Variants in LRP1B observed in about 807,000 individuals in gnomAD.
LRP1B encodes the protein low-density lipoprotein receptor-related protein 1B.
A neutral mutation model predicts 556.6 loss-of-function variants in LRP1B; 217 were observed. The ratio of observed to expected loss-of-function variants is 0.39; its 90% confidence interval spans 0.35 to 0.44. The LOEUF (loss-of-function observed/expected upper bound fraction) is 0.44. Ranked by LOEUF, LRP1B falls within the 20% of genes least tolerant of loss-of-function variation. LRP1B has a pLI of 1.00. For synonymous variants in LRP1B, 2,047 were observed against 1,865.8 expected (o/e 1.10, Z -2.50); for missense variants, 5,053 against 5,620.8 (o/e 0.90, Z 3.23).
At chr2:140,785,054 C>T (rs1448680560) in intron 32 of LRP1B, among the ~76,000 whole-genome samples, 2 of 152,024 alleles carry the variant, frequency 1.3e-5, no homozygotes, top group African/African-American at 4.8e-5. Flanking sequence ...AAAGATTCTA[C>T]AAGTTTCTAG....
intron 1 of LRP1B, among the ~76,000 whole-genome samples, chr2:142,053,002 G>T (rs899515638): frequency 2.6e-5 from 4 of 152,054 alleles, no homozygotes; most frequent in African/African-American, 4.8e-5. Context: ...AAATCCAACT[G>T]CCTAGATAGT....
intron 63 of LRP1B, among the ~76,000 whole-genome samples, chr2:140,446,946 A>T: frequency 6.6e-6 from 1 of 151,230 alleles, no homozygotes; most frequent in Non-Finnish European, 1.5e-5. Context: ...TAAAATCCAA[A>T]ATATATAAAG....
At chr2:142,115,582 A>ATT (rs1707191119) in intron 1 of LRP1B, among the ~76,000 whole-genome samples, 2 of 42,942 alleles carry the variant, frequency 4.7e-5, no homozygotes, top group South Asian at 4.9e-4. Flanking sequence ...TTATATATGT[A>ATT]ATATATATAT....
chr2:141,051,666 A>G (rs951149394), intron 10 of LRP1B, among the ~76,000 whole-genome samples: 7 of 152,096 alleles, frequency 4.6e-5, no homozygotes, highest in Non-Finnish European at 1.0e-4. Context: ...GAAAGAGCCG[A>G]TATCTTGATT....
intron 61 of LRP1B, 48 bp downstream of exon 61, chr2:140,457,415 A>G (rs770830542): frequency 7.4e-7 from 1 of 1,358,972 alleles, no homozygotes; most frequent in Non-Finnish European, 1.0e-6. Context: ...ATGGAATGTT[A>G]CTGAAAGATG....
Position 140,334,558 on chromosome 2 carries a change from T to A in LRP1B, c.12118A>T (p.Met4040Leu). ...YAIAVNPKRG[M>L]MYWTVVGDHS... The stretch of plus-strand genomic sequence containing the variant: ...TCCCCAACAACAGTCCAGTACATCA[T>A]CCTGAAGAGAGCGGGTCAGAGAGGT... Residue 4040 changes from methionine to leucine, a missense_variant and splice_region_variant, in exon 79 of 91, where the codon ATG becomes TTG. Met to Leu is a conservative substitution (Grantham distance 15, BLOSUM62 2). Transcript: ENST00000389484. 6.4e-7 allele frequency: 1 copy of A among 1,558,746 alleles called. No individual in the cohort carries two copies. Among genetic ancestry groups the A allele is most frequent in the Non-Finnish European group, 8.7e-7 (1 of 1,151,624 alleles).
At chr2:141,044,052 G>A (rs1431746307) in intron 11 of LRP1B, among the ~76,000 whole-genome samples, 4 of 151,806 alleles carry the variant, frequency 2.6e-5, no homozygotes, top group African/African-American at 9.7e-5. Flanking sequence ...AAACAGCATG[G>A]TACTGGTACC....
At position 140,247,796 on chromosome 2, in the gene LRP1B, AATAG is replaced by A. The variant is rs550140720; in HGVS notation, c.13248-638_13248-635del. 2.0e-4 allele frequency among the ~76,000 whole-genome samples: 30 copies of A among 151,822 alleles called. 1 individual carries two copies. Among genetic ancestry groups the A allele is most frequent in the Middle Eastern group, 3.4e-3 (1 of 294 alleles). On this transcript the variant is annotated intron_variant, in intron 86 of 90. Coordinates refer to ENST00000389484, the MANE Select transcript of LRP1B (RefSeq NM_018557.3). ...ATGATAAGAAGTAAAAGACAAGAAT[AATAG>A]ATCTGATTAAAAGCCATTATTTAAA... is the stretch of plus-strand genomic sequence containing the variant.
At chr2:140,430,641 C>G (rs1486658473) in intron 66 of LRP1B, among the ~76,000 whole-genome samples, 1 of 152,210 alleles carries the variant, frequency 6.6e-6, no homozygotes, top group South Asian at 2.1e-4. Context: ...TCTTCCCACA[C>G]AAGGCAAATG....
chr2:141,261,782 C>A (rs1367526673), intron 3 of LRP1B, among the ~76,000 whole-genome samples: 1 of 152,058 alleles, frequency 6.6e-6, no homozygotes. Flanking sequence ...TTTGTTCATT[C>A]ATTTCACAAG....
At chr2:140,672,541 G>T (rs1003347077) in intron 41 of LRP1B, among the ~76,000 whole-genome samples, 1 of 142,318 alleles carries the variant, frequency 7.0e-6, no homozygotes, top group Non-Finnish European at 1.5e-5. Flanking sequence ...AAATCCAGCA[G>T]AGTAAACTCC....
intron 77 of LRP1B, among the ~76,000 whole-genome samples, chr2:140,341,849 T>C (rs185528648): frequency 1.3e-5 from 2 of 151,556 alleles, no homozygotes; most frequent in Admixed American, 6.6e-5. Flanking sequence ...ATCAGGTTAA[T>C]GTTTTAAGAA....
Position 141,413,693 on chromosome 2 carries a change from C to T in LRP1B, c.343+66703G>A, listed in dbSNP as rs941466011. On this transcript the variant is annotated intron_variant, in intron 3 of 90. Transcript: ENST00000389484. The stretch of plus-strand genomic sequence containing the variant: ...TTGGGAGGGAGAGGCAGGCAAACTC[C>T]CAGCTGGGTTTTTGTATTATTGTAC... Among the ~76,000 whole-genome samples, 13 of 151,920 alleles carry T rather than the reference C, an allele frequency of 8.6e-5. 1 individual carries two copies. Among genetic ancestry groups the T allele is most frequent in the Admixed American group, 2.6e-4 (4 of 15,252 alleles).
chr2:140,542,768 G>A (rs1680184782), intron 43 of LRP1B, among the ~76,000 whole-genome samples: 1 of 152,086 alleles, frequency 6.6e-6, no homozygotes, highest in African/African-American at 2.4e-5. Context: ...TATCTCACTG[G>A]GCAGAGGGTC....
intron 2 of LRP1B, among the ~76,000 whole-genome samples, chr2:141,656,547 T>G (rs1249756653): frequency 6.6e-6 from 1 of 152,174 alleles, no homozygotes; most frequent in Non-Finnish European, 1.5e-5. Context: ...TACCTGGTAT[T>G]GATTTAAACG....
At chr2:141,834,010 C>T (rs947558096) in intron 1 of LRP1B, among the ~76,000 whole-genome samples, 2 of 151,710 alleles carry the variant, frequency 1.3e-5, no homozygotes, top group African/African-American at 2.4e-5. Context: ...AAACAGTATA[C>T]ACAAAGGCAC....
intron 4 of LRP1B, among the ~76,000 whole-genome samples, chr2:141,251,616 C>G (rs640696): frequency 6.6e-5 from 10 of 151,738 alleles, no homozygotes; most frequent in Admixed American, 3.9e-4. Flanking sequence ...ACCAATGGAC[C>G]AAGTTGAGAC....
chr2:142,014,998 T>C (rs1045391779), intron 1 of LRP1B, among the ~76,000 whole-genome samples: 1 of 152,294 alleles, frequency 6.6e-6, no homozygotes, highest in Admixed American at 6.5e-5. Flanking sequence ...ATTTCCTCTG[T>C]TGGGGGATTT....
chr2:140,459,176 ATAAT>A (rs778978366), intron 60 of LRP1B, among the ~76,000 whole-genome samples: 8 of 152,164 alleles, frequency 5.3e-5, no homozygotes, highest in African/African-American at 9.6e-5. Context: ...ACACTTTACT[ATAAT>A]TAATTATGTG....
Sources: gnomAD v4.1 joint callset for allele counts (sites outside exome capture counted in the v4.1 genomes callset) on GRCh38, gnomAD v4.1.1 for gene constraint, MANE v1.5 for transcripts, NCBI Gene and HGNC (gene_info 2026-07-23, HGNC 2026-07-21) for gene names.